MID1: variants seen among roughly 807,000 people sequenced by gnomAD.
MID1 encodes E3 ubiquitin-protein ligase Midline-1.
In MID1, 7 loss-of-function variants were observed where a neutral mutation model predicts 40.4. That is an observed-to-expected ratio of 0.17 (90% CI 0.10 to 0.33). The LOEUF is 0.33. Among genes scored for constraint, MID1 ranks in the 10% least tolerant of loss-of-function variants. The pLI, the probability that MID1 is intolerant of heterozygous loss-of-function variation, is 1.00. For missense variants in MID1, 367 were observed against 558.5 expected (o/e 0.66, Z 3.46); for synonymous variants, 229 against 221.2 (o/e 1.04, Z -0.31).
chrX:10,501,443 T>G (rs1474414259), intron 3 of MID1: 3 of 1,155,598 alleles, frequency 2.6e-6, no homozygotes, highest in Admixed American at 5.2e-5. Flanking sequence ...TTTCGCGTCT[T>G]GAAATGCATC....
At chrX:10,624,922 T>C (rs755347030), upstream of MID1, among the ~76,000 whole-genome samples, 13 of 112,313 alleles carry the variant, frequency 1.2e-4, no homozygotes, top group African/African-American at 4.2e-4. Flanking sequence ...ATCCTCCTCC[T>C]GTGGTCAAAA....
At chrX:10,707,967 G>T (rs1251113649) in intron 1 of MID1, among the ~76,000 whole-genome samples, 1 of 113,083 alleles carries the variant, frequency 8.8e-6, no homozygotes, top group South Asian at 3.6e-4. Context: ...ATTTGGGGGA[G>T]ATTATTTATA....
In MID1 at chrX:10,520,178, A is replaced by AT. The variant is rs781210731; in HGVS notation, c.756+2913dup. 7.2e-5 allele frequency among the ~76,000 whole-genome samples: 8 copies of AT among 111,454 alleles called. No homozygotes were observed. The East Asian group carries it at 1.7e-3, about 23-fold the overall frequency. On this transcript the variant is annotated intron_variant, in intron 3 of 9. Coordinates refer to ENST00000317552, the MANE Select transcript of MID1 (RefSeq NM_000381.4). ...AAAGCTTCAGAAAAATTGTATTCGC[A>AT]TTTTTTTCTCTTTTAATCCCCCCTT...
intron 6 of MID1, among the ~76,000 whole-genome samples, chrX:10,474,207 G>A (rs1929872288): frequency 2.7e-5 from 3 of 111,786 alleles, no homozygotes; most frequent in African/African-American, 9.8e-5. Context: ...ACTCGATGTT[G>A]TGCAAATTAA....
chrX:10,790,925 T>C (rs1276563906), intron 1 of MID1, among the ~76,000 whole-genome samples: 1 of 112,519 alleles, frequency 8.9e-6, no homozygotes, highest in African/African-American at 3.2e-5. Context: ...GTGTAGTATC[T>C]GTCACCTGAC....
chrX:10,744,226 G>A (rs902733986), intron 1 of MID1, among the ~76,000 whole-genome samples: 1 of 111,949 alleles, frequency 8.9e-6, no homozygotes, highest in Admixed American at 9.5e-5. Context: ...GAAAATGTAA[G>A]AAGACCTGGA....
chrX:10,621,646 A>C (rs922389630), upstream of MID1, among the ~76,000 whole-genome samples: 2 of 110,373 alleles, frequency 1.8e-5, no homozygotes, highest in Non-Finnish European at 3.8e-5. Flanking sequence ...CAGGAGTGTC[A>C]GCTGCATGGG....
At chrX:10,643,222 C>G (rs762463035) in intron 1 of MID1, among the ~76,000 whole-genome samples, 1 of 111,150 alleles carries the variant, frequency 9.0e-6, no homozygotes, top group African/African-American at 3.3e-5. Context: ...TCAGAGTGAA[C>G]AGGCAACCTA....
chrX:10,829,611 T>C (rs2044239598), intron 1 of MID1, among the ~76,000 whole-genome samples: 1 of 112,238 alleles, frequency 8.9e-6, no homozygotes, highest in Non-Finnish European at 1.9e-5. Flanking sequence ...TTCCCTTATA[T>C]GTGATTGCAA....
intron 1 of MID1, among the ~76,000 whole-genome samples, chrX:10,798,100 A>G (rs1409668977): frequency 1.8e-5 from 2 of 111,881 alleles, no homozygotes; most frequent in Non-Finnish European, 3.8e-5. Context: ...GCAGTGGGGC[A>G]TTGCTGATGG....
In MID1 at chrX:10,829,076, C is replaced by T. The variant is rs148514512; in HGVS notation, c.-187+4478G>A. ...TAACATTGAGCCAAGGATATCAGTTCGAGTAAACTTGTTATCTGTTCTCTG... is the reference window on the plus strand; with the variant it reads ...TAACATTGAGCCAAGGATATCAGTTTGAGTAAACTTGTTATCTGTTCTCTG... On this transcript the variant is annotated intron_variant, in intron 1 of 10. Transcript: ENST00000380785. 2.1e-3 allele frequency among the ~76,000 whole-genome samples: 230 copies of T among 112,128 alleles called. 6 individuals are homozygous for T. Among genetic ancestry groups the T allele is most frequent in the East Asian group, 4.4e-3 (16 of 3,597 alleles).
rs866271060 is a variant in MID1, at chrX:10,567,178, G to C, written c.370C>G (p.Gln124Glu). Residue 124 changes from glutamine to glutamate, a missense_variant, in exon 2 of 10, where the codon CAG becomes GAG. Physicochemically the swap from Gln to Glu is conservative, Grantham distance 29. Coordinates refer to ENST00000317552, the MANE Select transcript of MID1 (RefSeq NM_000381.4). ...AEKVLCQFCD[Q>E]DPAQDAVKTC... ...TTCACAGCGTCCTGGGCAGGATCCTGGTCACAAAACTGGCAGAGGACCTTC... is the reference window on the plus strand; with the variant it reads ...TTCACAGCGTCCTGGGCAGGATCCTCGTCACAAAACTGGCAGAGGACCTTC... 8.3e-7 allele frequency: 1 copy of C among 1,211,624 alleles called. No homozygotes were observed.
intron 1 of MID1, among the ~76,000 whole-genome samples, chrX:10,762,069 T>A (rs746564305): frequency 8.9e-6 from 1 of 111,770 alleles, no homozygotes; most frequent in Non-Finnish European, 1.9e-5. Context: ...ATAATTACAA[T>A]ATTTACCTTG....
intron 1 of MID1, among the ~76,000 whole-genome samples, chrX:10,709,576 AG>A (rs1374812249): frequency 8.9e-6 from 1 of 112,260 alleles, no homozygotes; most frequent in Non-Finnish European, 1.9e-5. Context: ...ATGCAGCCAG[AG>A]GCAGTTAGCA....
chrX:10,482,916 G>A (rs1435381533), intron 4 of MID1, among the ~76,000 whole-genome samples: 1 of 111,975 alleles, frequency 8.9e-6, no homozygotes, highest in African/African-American at 3.2e-5. Context: ...ACTTACAAAG[G>A]GTCACCAGAC....
intron 7 of MID1, among the ~76,000 whole-genome samples, chrX:10,462,122 T>C (rs185806535): frequency 8.9e-6 from 1 of 112,255 alleles, no homozygotes; most frequent in East Asian, 2.8e-4. Context: ...TCCTTGAAAA[T>C]TAAAAGAACA....
chrX:10,799,505 C>A lies in MID1; in HGVS notation c.-187+34049G>T, dbSNP rs761610482. 2.7e-5 allele frequency among the ~76,000 whole-genome samples: 3 copies of A among 111,691 alleles called. No homozygotes were observed. The Admixed American group carries it at 2.8e-4, about 11-fold the overall frequency. ...TGACACTATAAGGCCAGATCCGAGT[C>A]CTTTGGTTTATTTTATGAAAATATC... On this transcript the variant is annotated intron_variant, in intron 1 of 10. Transcript: ENST00000380785.
At chrX:10,790,802 T>G (rs1350204256) in intron 1 of MID1, among the ~76,000 whole-genome samples, 1 of 112,230 alleles carries the variant, frequency 8.9e-6, no homozygotes, top group African/African-American at 3.2e-5. Flanking sequence ...TTCCTCAATT[T>G]TAAATCAGTT....
chrX:10,741,434 G>C (rs918209641), intron 1 of MID1, among the ~76,000 whole-genome samples: 2 of 108,682 alleles, frequency 1.8e-5, no homozygotes, highest in Non-Finnish European at 3.8e-5. Flanking sequence ...AACAACACAG[G>C]ACGAGGGCAT....
Sources: allele counts gnomAD v4.1 joint callset (sites outside exome capture counted in the v4.1 genomes callset), GRCh38; gene constraint gnomAD v4.1.1; transcripts MANE v1.5; gene names NCBI Gene and HGNC (gene_info 2026-07-23, HGNC 2026-07-21).